CLCNKB: variants seen among roughly 807,000 people sequenced by gnomAD.
CLCNKB encodes the protein chloride channel protein ClC-Kb.
Under a neutral mutation model 83.8 loss-of-function variants are expected in CLCNKB, and 74 were observed. That is an observed-to-expected ratio of 0.88 (90% confidence interval 0.73 to 1.07). The LOEUF (loss-of-function observed/expected upper bound fraction) is 1.07, where lower values mean the gene tolerates loss of function less well. Among genes scored for constraint, CLCNKB ranks in the 50% least tolerant of loss-of-function variants. The pLI, the probability that CLCNKB is intolerant of heterozygous loss-of-function variation, is 0.00. For missense variants in CLCNKB, 798 were observed against 893.6 expected (o/e 0.89, Z 1.36); for synonymous variants, 358 against 356.6 (o/e 1.00, Z -0.04).
rs56361591 is a variant in CLCNKB, at chr1:16,052,496, G to A, written c.1622+85G>A. The A allele has an allele frequency of 0.11, 176,718 of 1,546,266 alleles. 11,346 individuals carry two copies. Among genetic ancestry groups the A allele is most frequent in the African/African-American group, 0.22 (16,495 of 73,452 alleles). Reference sequence around the variant, plus strand: ...GTGAAGGGCACCTCGAAAAAGAAACGCCACCGTAGCTGACCTCGGACATGG... The same window carrying A: ...GTGAAGGGCACCTCGAAAAAGAAACACCACCGTAGCTGACCTCGGACATGG... On this transcript the variant is annotated intron_variant, in intron 15 of 19. Coordinates refer to ENST00000375679, the MANE Select transcript of CLCNKB (RefSeq NM_000085.5).
chr1:16,048,017 T>C lies in CLCNKB; in HGVS notation c.471T>C (p.Cys157=), dbSNP rs1312768654. The C allele has an allele frequency of 1.9e-6, 3 of 1,614,034 alleles. No individual in the cohort carries two copies. Among genetic ancestry groups the C allele is most frequent in the Admixed American group, 1.7e-5 (1 of 60,014 alleles). ...KVVGLSCTLA[C]GSTLFLGKVG... ...TGGGCCTCTCCTGCACCCTGGCCTGTGGCAGCACCCTCTTCCTCGGGAAAG... is the reference window on the plus strand; with the variant it reads ...TGGGCCTCTCCTGCACCCTGGCCTGCGGCAGCACCCTCTTCCTCGGGAAAG... Residue 157 remains cysteine, a synonymous_variant, in exon 5 of 20, where the codon TGT becomes TGC. Transcript: ENST00000375679.
chr1:16,048,262 T>C, intron 5 of CLCNKB, 81 bp from the exon 6 acceptor site: 2 of 1,556,658 alleles, frequency 1.3e-6, no homozygotes, highest in African/African-American at 1.4e-5. Context: ...GAGGGGGTGT[T>C]GGGGGGAAGC....
intron 11 of CLCNKB, 54 bp from the exon 12 acceptor site, chr1:16,050,821 T>G (rs1327442044): frequency 5.0e-6 from 8 of 1,608,976 alleles, no homozygotes; most frequent in Non-Finnish European, 6.8e-6. Context: ...CGGGGGAGGC[T>G]GGGGTCTGCC....
rs558200145 is a variant in CLCNKB at position 16,045,127 on chromosome 1, G to A, written c.101-431G>A. 3.3e-5 allele frequency among the ~76,000 whole-genome samples: 5 copies of A among 152,308 alleles called. No homozygotes were observed. In the East Asian group the frequency reaches 9.6e-4, roughly 29 times the overall value. On this transcript the variant is annotated intron_variant, in intron 2 of 19. Coordinates refer to ENST00000375679, the MANE Select transcript of CLCNKB (RefSeq NM_000085.5). ...TGGGCTAGCAGCCAGTGGGCCAGGAGCATTGCTGGGGACCCAGAGGATACC... is the reference window on the plus strand; with the variant it reads ...TGGGCTAGCAGCCAGTGGGCCAGGAACATTGCTGGGGACCCAGAGGATACC...
chr1:16,044,457 G>A (rs765869565), intron 1 of CLCNKB, 29 bp from the exon 2 acceptor site: 80 of 1,561,338 alleles, frequency 5.1e-5, no homozygotes, highest in Non-Finnish European at 6.2e-5. Context: ...GCAGCTCACC[G>A]CGGTCCCTCC....
In CLCNKB at chr1:16,055,775, G is replaced by A. The variant is rs761164030; in HGVS notation, c.1929+17G>A. The A allele has an allele frequency of 5.6e-6, 9 of 1,611,848 alleles. No individual in the cohort carries two copies. Among genetic ancestry groups the A allele is most frequent in the Admixed American group, 1.7e-5 (1 of 60,012 alleles). On this transcript the variant is annotated intron_variant, in intron 18 of 19. Transcript: ENST00000375679. ...CTGCATGAGGTAACGGGGAGAACTGGGGAGTGTGACACATGAGGCCTCTGG... is the reference window on the plus strand; with the variant it reads ...CTGCATGAGGTAACGGGGAGAACTGAGGAGTGTGACACATGAGGCCTCTGG...
At position 16,052,272 on chromosome 1, in the gene CLCNKB, A is replaced by T; in HGVS notation, c.1483A>T (p.Ile495Leu). 1.2e-6 allele frequency: 2 copies of T among 1,613,338 alleles called. No individual in the cohort carries two copies. Among genetic ancestry groups the T allele is most frequent in the East Asian group, 4.5e-5 (2 of 44,882 alleles). Reference sequence around the variant, plus strand: ...GCTGGCCTTCGAGGTGACCGGCCAGATAGTGCATGCACTGCCCGTGCTGAT... The same window carrying T: ...GCTGGCCTTCGAGGTGACCGGCCAGTTAGTGCATGCACTGCCCGTGCTGAT... Reference protein sequence around the residue: ...ALLAFEVTGQIVHALPVLMAV... With the variant: ...ALLAFEVTGQLVHALPVLMAV... The change falls in exon 15 of 20, where the codon ATA becomes TTA. Residue 495 changes from isoleucine to leucine, a missense_variant. Coordinates refer to ENST00000375679, the MANE Select transcript of CLCNKB (RefSeq NM_000085.5).
intron 16 of CLCNKB, 45 bp downstream of exon 16, chr1:16,053,817 C>G: frequency 6.2e-7 from 1 of 1,611,862 alleles, no homozygotes; most frequent in Non-Finnish European, 8.5e-7. Flanking sequence ...AGGGGATGCC[C>G]TCTGCCTCCT....
At chr1:16,056,381 C>T (rs1482985309) in intron 18 of CLCNKB, 41 bp from the exon 19 acceptor site, 10 of 1,597,174 alleles carry the variant, frequency 6.3e-6, no homozygotes, top group African/African-American at 1.3e-5. Flanking sequence ...GTGGGCTGGG[C>T]ACCTTCTACC....
chr1:16,051,739 ACT>A lies in CLCNKB; in HGVS notation c.1334_1335del (p.Ser445PhefsTer5), dbSNP rs1380983236. 10 of 1,612,540 alleles carry A rather than the reference ACT, an allele frequency of 6.2e-6. No individual in the cohort carries two copies. Among genetic ancestry groups the A allele is most frequent in the Admixed American group, 1.7e-5 (1 of 59,890 alleles). On this transcript the variant is annotated frameshift_variant, in exon 14 of 20. Transcript: ENST00000375679. LOFTEE classifies it high-confidence loss of function. ...GAAIGRLFGETLSFIFPEGIV... is the reference protein window; with the variant it reads ...GAAIGRLFGEXLSFIFPEGIV... ...TGCTATCGGGCGCCTCTTTGGGGAG[ACT>A]CTCTCTTTTATCTTCCCTGAGGGCA... is the stretch of plus-strand genomic sequence containing the variant.
intron 2 of CLCNKB, 40 bp from the exon 3 acceptor site, chr1:16,045,518 C>T (rs758352654): frequency 6.2e-7 from 1 of 1,609,434 alleles, no homozygotes; most frequent in South Asian, 1.1e-5. Context: ...GTCTGTGCCT[C>T]CTGCCCCACC....
In CLCNKB at chr1:16,048,264, G is replaced by C. The variant is rs1192853279; in HGVS notation, c.499-79G>C. The C allele has an allele frequency of 9.0e-6, 14 of 1,564,196 alleles. No homozygotes were observed. In the East Asian group the frequency reaches 3.2e-4, roughly 36 times the overall value. On this transcript the variant is annotated intron_variant, in intron 5 of 19. Transcript: ENST00000375679. Reference sequence around the variant, plus strand: ...TTGGGAGATGGAGGAGGGGGTGTTGGGGGGAAGCCGTGCTGACTCTGGGTG... The same window carrying C: ...TTGGGAGATGGAGGAGGGGGTGTTGCGGGGAAGCCGTGCTGACTCTGGGTG...
chr1:16,048,646 C>T, intron 7 of CLCNKB, 64 bp downstream of exon 7: 1 of 1,600,178 alleles, frequency 6.2e-7, no homozygotes, highest in Non-Finnish European at 8.5e-7. Flanking sequence ...CCCTGGGCTC[C>T]TTCGGCCCAG....
At chr1:16,044,687 C>T in intron 2 of CLCNKB, 95 bp downstream of exon 2, 1 of 1,044,478 alleles carries the variant, frequency 9.6e-7, no homozygotes, top group Admixed American at 2.0e-5. Flanking sequence ...AGGAACCACC[C>T]TCCTCCTGGC....
In CLCNKB at chr1:16,052,316, C is replaced by G; in HGVS notation, c.1527C>G (p.Asn509Lys). ...LPVLMAVLAANAIAQSCQPSF... is the reference protein window; with the variant it reads ...LPVLMAVLAAKAIAQSCQPSF... ...TGCTGATGGCGGTGCTGGCAGCCAACGCCATTGCACAGAGCTGCCAGCCCT... is the reference window on the plus strand; with the variant it reads ...TGCTGATGGCGGTGCTGGCAGCCAAGGCCATTGCACAGAGCTGCCAGCCCT... Residue 509 changes from asparagine (N) to lysine (K), a missense_variant, in exon 15 of 20, where the codon AAC becomes AAG. Coordinates refer to ENST00000375679, the MANE Select transcript of CLCNKB (RefSeq NM_000085.5). The G allele has an allele frequency of 1.2e-6, 2 of 1,613,140 alleles. No homozygotes were observed. The highest frequency in any genetic ancestry group is 1.7e-6 in the Non-Finnish European group (2 of 1,180,042).
rs1406209071 is a variant in CLCNKB at position 16,050,890 on chromosome 1, C to T, written c.1069C>T (p.His357Tyr). Reference protein sequence around the residue: ...FLASRLSMKQHLDSLFDNHSW... With the variant: ...FLASRLSMKQYLDSLFDNHSW... ...CCCGCCACAGCTGTCCATGAAGCAG[C>T]ATCTGGACTCGCTGTTCGACAACCA... The change falls in exon 12 of 20, where the codon CAT (histidine) becomes TAT (tyrosine). Residue 357 changes from histidine (H) to tyrosine (Y), a missense_variant. Coordinates refer to ENST00000375679, the MANE Select transcript of CLCNKB (RefSeq NM_000085.5). The T allele has an allele frequency of 5.0e-6, 8 of 1,612,080 alleles. No homozygotes were observed. Among genetic ancestry groups the T allele is most frequent in the Non-Finnish European group, 6.8e-6 (8 of 1,179,936 alleles).
Position 16,053,748 on chromosome 1 carries a change from A to G in CLCNKB, c.1732A>G (p.Lys578Glu), listed in dbSNP as rs2275166. The G allele has an allele frequency of 0.67, 1,078,957 of 1,610,920 alleles. 363,773 individuals are homozygous for G. The highest frequency in any genetic ancestry group is 0.81 in the East Asian group (36,326 of 44,844). ...GGTTGTGACCTCCACAGACGTGGCC[A>G]AGTATCCCCTGGTGGAGAGCACAGG... ...VKVVTSTDVA[K>E]YPLVESTESQ... Residue 578 changes from lysine to glutamate, a missense_variant, in exon 16 of 20, where the codon AAG becomes GAG. Lys to Glu is a moderately conservative substitution (Grantham distance 56). Transcript: ENST00000375679.
In CLCNKB at chr1:16,045,796, G is replaced by A. The variant is rs142852011; in HGVS notation, c.229+110G>A. ...GCGGAGGTTGGGGGGGGTGCTCTGG[G>A]TGGGGATCTGGTCCTGGCTTTACTC... On this transcript the variant is annotated intron_variant, in intron 3 of 19. Coordinates refer to ENST00000375679, the MANE Select transcript of CLCNKB (RefSeq NM_000085.5). 3.2e-3 allele frequency: 3,272 copies of A among 1,034,498 alleles called. 400 individuals are homozygous for A. Among genetic ancestry groups the A allele is most frequent in the Middle Eastern group, 5.6e-3 (21 of 3,742 alleles). The allele number at this position is 1,034,498 out of a possible 1,614,324, so 64.1% of individuals were successfully genotyped here.
In CLCNKB at chr1:16,046,476, G is replaced by A. The variant is rs2014841; in HGVS notation, c.230-59G>A. 0.8 allele frequency: 1,280,973 copies of A among 1,607,850 alleles called. 518,786 individuals are homozygous for A. The highest frequency in any genetic ancestry group is 0.99 in the East Asian group (44,161 of 44,784). On this transcript the variant is annotated intron_variant, in intron 3 of 19. Coordinates refer to ENST00000375679, the MANE Select transcript of CLCNKB (RefSeq NM_000085.5). ...CTGGTCAGTAAGTGGGCACCACAGC[G>A]TCTGGCCCCGAGGGCTGCAGAGGCT...
Sources: allele counts gnomAD v4.1 joint callset (sites outside exome capture counted in the v4.1 genomes callset), GRCh38; gene constraint gnomAD v4.1.1; transcripts MANE v1.5; gene names NCBI Gene and HGNC (gene_info 2026-07-23, HGNC 2026-07-21).